Variants in MYO15A observed in about 807,000 individuals in gnomAD.
MYO15A encodes unconventional myosin-XV.
A neutral mutation model predicts 394.6 loss-of-function variants in MYO15A; 308 were observed. That is an observed-to-expected ratio of 0.78 (90% CI 0.71 to 0.86). The LOEUF (loss-of-function observed/expected upper bound fraction) is 0.86. MYO15A is among the 40% of genes least tolerant of loss of function. The probability of loss-of-function intolerance (pLI) is 0.00; values close to 1 mark genes in which losing one functional copy is unlikely to be tolerated. For synonymous variants in MYO15A, 1,957 were observed against 2,003.8 expected, an observed-to-expected ratio of 0.98 and a Z score of 0.62; for missense variants, 4,606 against 4,799.1, an observed-to-expected ratio of 0.96 and a Z score of 1.19.
chr17:18,153,867 G>A lies in MYO15A; in HGVS notation c.8059G>A (p.Ala2687Thr). Residue 2687 changes from alanine (A) to threonine (T), a missense_variant, in exon 43 of 66, where the codon GCC becomes ACC. Physicochemically the swap from Ala to Thr is moderately conservative, Grantham distance 58. Transcript: ENST00000647165. The surrounding 1 kb of genome is among the most constrained non-coding windows in gnomAD (Gnocchi z 4.1). The part of the protein sequence containing the change: ...INPNFYGYQD[A>T]PWKIFLRKEV... ...TCCCAACTTCTACGGCTATCAGGAC[G>A]CCCCCTGGAAGATCTTCCTGCGCAA... is the stretch of plus-strand genomic sequence containing the variant. The A allele has an allele frequency of 6.2e-7, 1 of 1,613,606 alleles. No homozygotes were observed. Among genetic ancestry groups the A allele is most frequent in the Non-Finnish European group, 8.5e-7 (1 of 1,180,000 alleles).
At position 18,172,309 on chromosome 17, in the gene MYO15A, G is replaced by A; in HGVS notation, c.10350+19G>A. The A allele has an allele frequency of 1.2e-6, 2 of 1,614,118 alleles. No homozygotes were observed. Among genetic ancestry groups the A allele is most frequent in the Non-Finnish European group, 1.7e-6 (2 of 1,180,036 alleles). ...GACTCATGTGAGTGGCCTCAGCCTGGCACTGCCATCGCCACCCTCTGTTCC... is the reference window on the plus strand; with the variant it reads ...GACTCATGTGAGTGGCCTCAGCCTGACACTGCCATCGCCACCCTCTGTTCC... On this transcript the variant is annotated intron_variant, in intron 64 of 65. Coordinates refer to ENST00000647165, the MANE Select transcript of MYO15A (RefSeq NM_016239.4).
intron 56 of MYO15A, among the ~76,000 whole-genome samples, chr17:18,160,234 T>C (rs2046755906): frequency 6.6e-6 from 1 of 152,188 alleles, no homozygotes; most frequent in South Asian, 2.1e-4. Flanking sequence ...AAAATGACAG[T>C]GATAATGTGT....
chr17:18,130,898 G>A (rs547051005), intron 8 of MYO15A, 88 bp downstream of exon 8: 2 of 1,403,552 alleles, frequency 1.4e-6, no homozygotes, highest in East Asian at 2.3e-5. Flanking sequence ...GTGTGGATGT[G>A]CCTGCTCCTG....
At position 18,113,407 on chromosome 17, in the gene MYO15A, C is replaced by A. The variant is rs150357709; in HGVS notation, c.-220+4583C>A. On this transcript the variant is annotated intron_variant, in intron 1 of 65. Coordinates refer to ENST00000647165, the MANE Select transcript of MYO15A (RefSeq NM_016239.4). Reference sequence around the variant, plus strand: ...TCCCATCTCAGCTTTTCAAAGTGCCCAGGCATGAGCCACTGCTCCTGGCTG... The same window carrying A: ...TCCCATCTCAGCTTTTCAAAGTGCCAAGGCATGAGCCACTGCTCCTGGCTG... Among the ~76,000 whole-genome samples the A allele has an allele frequency of 3.4e-3, 520 of 152,268 alleles. 2 individuals carry two copies. The highest frequency in any genetic ancestry group is 0.01 in the Middle Eastern group (3 of 294).
intron 43 of MYO15A, 86 bp from the exon 44 acceptor site, chr17:18,154,045 C>A (rs1388123344): frequency 6.2e-7 from 1 of 1,602,800 alleles, no homozygotes; most frequent in Non-Finnish European, 8.5e-7. Context: ...ACAGCCGGGG[C>A]GGAACTGCAT....
Position 18,120,723 on chromosome 17 carries a change from G to C in MYO15A, c.1923G>C (p.Ala641=). 1 of 1,486,810 alleles carries C rather than the reference G, an allele frequency of 6.7e-7. No homozygotes were observed. The highest frequency in any genetic ancestry group is 8.9e-7 in the Non-Finnish European group (1 of 1,129,052). 92.1% of individuals were successfully genotyped at this position (1,486,810 alleles called of 1,614,324 possible). The change falls in exon 2 of 66, where the codon GCG becomes GCC. Residue 641 remains alanine (A), a synonymous_variant. Coordinates refer to ENST00000647165, the MANE Select transcript of MYO15A (RefSeq NM_016239.4). Reference sequence around the variant, plus strand: ...CACGCGCTCGCAGCAGCAACGACGCGCGCCGCCCGCCCGCGCCACAGCCCG... The same window carrying C: ...CACGCGCTCGCAGCAGCAACGACGCCCGCCGCCCGCCCGCGCCACAGCCCG... ...AQPRARSSND[A]RRPPAPQPAP... is the part of the protein sequence containing the mutation.
chr17:18,142,397 C>A lies in MYO15A; in HGVS notation c.5825+143C>A, dbSNP rs1251851107. The A allele has an allele frequency of 1.2e-5, 13 of 1,051,906 alleles. No homozygotes were observed. In the Admixed American group the frequency reaches 1.7e-4, roughly 13 times the overall value. 65.2% of individuals were successfully genotyped at this position (1,051,906 alleles called of 1,614,324 possible). A position where few individuals can be genotyped will look rare whatever the true frequency, so the allele number is the denominator to read the frequency against. ...GCCTCTGCAGGAGAATGATCAGATT[C>A]TCTGTGTCTCTGCTTTTGAATGCCC... On this transcript the variant is annotated intron_variant, in intron 24 of 65. Transcript: ENST00000647165.
In MYO15A at chr17:18,162,566, G is replaced by A; in HGVS notation, c.9518-19G>A. The stretch of plus-strand genomic sequence containing the variant: ...CCACAGTCCACCTTGGGCGAGGCCT[G>A]AACTCCCTGCTTCTGCAGGGATCGC... On this transcript the variant is annotated intron_variant, in intron 57 of 65. Coordinates refer to ENST00000647165, the MANE Select transcript of MYO15A (RefSeq NM_016239.4). 1.2e-6 allele frequency: 2 copies of A among 1,612,734 alleles called. No homozygotes were observed. Among genetic ancestry groups the A allele is most frequent in the Non-Finnish European group, 1.7e-6 (2 of 1,179,382 alleles).
At chr17:18,166,042 C>T (rs1410666766) in intron 60 of MYO15A, among the ~76,000 whole-genome samples, 1 of 152,194 alleles carries the variant, frequency 6.6e-6, no homozygotes, top group African/African-American at 2.4e-5. Context: ...AGGGCACTTT[C>T]CCAGATCCAG....
rs1292125310 is a variant in MYO15A, at chr17:18,120,661, A to G, written c.1861A>G (p.Lys621Glu). 1.9e-6 allele frequency: 3 copies of G among 1,589,960 alleles called. No homozygotes were observed. In the South Asian group the frequency reaches 3.4e-5, roughly 18 times the overall value. The stretch of plus-strand genomic sequence containing the variant: ...CAAGCTGGCTGGCATGGACCCCGAG[A>G]AGCCCGGCACGCCCATCGTGCTGAG... ...GYKLAGMDPE[K>E]PGTPIVLRRA... is the part of the protein sequence containing the mutation. The change falls in exon 2 of 66, where the codon AAG becomes GAG. Residue 621 changes from lysine (K) to glutamate (E), a missense_variant. Physicochemically the swap from Lys to Glu is moderately conservative, Grantham distance 56. Coordinates refer to ENST00000647165, the MANE Select transcript of MYO15A (RefSeq NM_016239.4).
intron 19 of MYO15A, 60 bp downstream of exon 19, chr17:18,139,671 C>A (rs1000386889): frequency 5.7e-6 from 9 of 1,584,582 alleles, no homozygotes; most frequent in Admixed American, 3.4e-5. Context: ...CCCCCACACC[C>A]AGCCTGCCTT....
chr17:18,152,510 A>T (rs2046602442), intron 42 of MYO15A, among the ~76,000 whole-genome samples: 1 of 152,138 alleles, frequency 6.6e-6, no homozygotes, highest in South Asian at 2.1e-4. Context: ...CAGGGATATC[A>T]GCTCAGGCCT....
At chr17:18,172,603 G>T (rs1486620424) in intron 64 of MYO15A, 1 of 418,534 alleles carries the variant, frequency 2.4e-6, no homozygotes, top group Non-Finnish European at 4.5e-6. Flanking sequence ...TTAAACAACA[G>T]AAGTTTATTT....
intron 65 of MYO15A, chr17:18,177,756 G>C (rs1390813877): frequency 6.6e-6 from 1 of 152,224 alleles, no homozygotes; most frequent in Non-Finnish European, 1.5e-5. Context: ...ACACTGTGGG[G>C]ATTAAAACAG....
Position 18,124,538 on chromosome 17 carries a change from A to G in MYO15A, c.3665A>G (p.Asp1222Gly). ...CGGTTCCGTGAGCAGCACGGGGAGGATGGTGTGGAGGACATGACACAGCTG... is the reference window on the plus strand; with the variant it reads ...CGGTTCCGTGAGCAGCACGGGGAGGGTGGTGTGGAGGACATGACACAGCTG... ...SMRFREQHGE[D>G]GVEDMTQLED... The change falls in exon 3 of 66, where the codon GAT (aspartate) becomes GGT (glycine). Residue 1222 changes from aspartate to glycine, a missense_variant. Coordinates refer to ENST00000647165, the MANE Select transcript of MYO15A (RefSeq NM_016239.4). 1 of 1,613,210 alleles carries G rather than the reference A, an allele frequency of 6.2e-7. No individual in the cohort carries two copies. The highest frequency in any genetic ancestry group is 1.1e-5 in the South Asian group (1 of 91,064).
At chr17:18,144,718 G>A in intron 29 of MYO15A, 126 bp downstream of exon 29, 1 of 850,302 alleles carries the variant, frequency 1.2e-6, no homozygotes, top group South Asian at 1.4e-5. Context: ...CTTCCCCAAA[G>A]GACAGACTTT....
chr17:18,118,725 A>G lies in MYO15A; in HGVS notation c.-76A>G. The G allele has an allele frequency of 1.9e-6, 3 of 1,598,048 alleles. No homozygotes were observed. Among genetic ancestry groups the G allele is most frequent in the Non-Finnish European group, 2.6e-6 (3 of 1,174,118 alleles). On this transcript the variant is annotated 5_prime_UTR_variant, in exon 2 of 66. Coordinates refer to ENST00000647165, the MANE Select transcript of MYO15A (RefSeq NM_016239.4). ...GCGTGTCCAGCCGCGGGCAAGAGAC[A>G]GAGCAGGTCCCTGTGTCTCCAAGTC...
At chr17:18,130,610 A>G (rs1258774384) in intron 7 of MYO15A, among the ~76,000 whole-genome samples, 195 bp from the exon 8 acceptor site, 1 of 152,020 alleles carries the variant, frequency 6.6e-6, no homozygotes, top group Non-Finnish European at 1.5e-5. Flanking sequence ...CAAACTCAGC[A>G]TATTTTCATA....
chr17:18,170,841 C>T (rs1223342421), intron 62 of MYO15A, among the ~76,000 whole-genome samples: 1 of 152,182 alleles, frequency 6.6e-6, no homozygotes, highest in African/African-American at 2.4e-5. Context: ...TCCCCATTTA[C>T]AGATAAGGCC....
Sources: gnomAD v4.1 joint callset for allele counts (sites outside exome capture counted in the v4.1 genomes callset) on GRCh38, gnomAD v4.1.1 for gene constraint, Gnocchi (gnomAD v3.1) non-coding constraint, MANE v1.5 for transcripts, NCBI Gene and HGNC (gene_info 2026-07-23, HGNC 2026-07-21) for gene names.